The following ROBO1 variants were observed in gnomAD, a reference collection of about 807,000 sequenced individuals.
The protein encoded by ROBO1 is roundabout homolog 1.
A neutral mutation model predicts 195.9 loss-of-function variants in ROBO1; 149 were observed. The ratio of observed to expected loss-of-function variants is 0.76; its 90% CI spans 0.67 to 0.87. ROBO1 has a LOEUF of 0.87. Ranked by LOEUF, ROBO1 falls within the 40% of genes least tolerant of loss-of-function variation. ROBO1 has a pLI of 0.00. For missense variants in ROBO1, 1,933 were observed against 2,068.3 expected (o/e 0.93, Z 1.27); for synonymous variants, 816 against 733.2 (o/e 1.11, Z -1.82).
At chr3:79,427,668 G>A (rs927152044) in intron 2 of ROBO1, among the ~76,000 whole-genome samples, 1 of 152,146 alleles carries the variant, frequency 6.6e-6, no homozygotes, top group East Asian at 1.9e-4. Flanking sequence ...TTTGACAAAG[G>A]TGCCAAGAAC....
At chr3:79,636,180 T>G (rs573041129) in intron 1 of ROBO1, among the ~76,000 whole-genome samples, 2 of 152,288 alleles carry the variant, frequency 1.3e-5, no homozygotes, top group Non-Finnish European at 2.9e-5. Context: ...TTCCAGATAT[T>G]GTACTCTGGC....
At chr3:79,550,636 C>A (rs1315511850) in intron 2 of ROBO1, among the ~76,000 whole-genome samples, 1 of 152,136 alleles carries the variant, frequency 6.6e-6, no homozygotes, top group Non-Finnish European at 1.5e-5. Flanking sequence ...TAGTTTATTG[C>A]ACAATGGTGA....
At chr3:78,997,525 G>T (rs2108104841) in intron 3 of ROBO1, among the ~76,000 whole-genome samples, 1 of 152,236 alleles carries the variant, frequency 6.6e-6, no homozygotes, top group African/African-American at 2.4e-5. Flanking sequence ...CACTCAGATT[G>T]AAGCAGGAGA....
intron 2 of ROBO1, among the ~76,000 whole-genome samples, chr3:79,492,243 G>A (rs1939499690): frequency 6.6e-6 from 1 of 151,950 alleles, no homozygotes; most frequent in East Asian, 1.9e-4. Flanking sequence ...TGATCAACGT[G>A]GTGAAACCCC....
At chr3:79,427,852 T>G (rs1254676753) in intron 2 of ROBO1, among the ~76,000 whole-genome samples, 1 of 152,034 alleles carries the variant, frequency 6.6e-6, no homozygotes, top group African/African-American at 2.4e-5. Context: ...AAGAAAACAA[T>G]GGGGAAACTC....
chr3:78,892,324 T>C (rs1203840790), intron 4 of ROBO1, among the ~76,000 whole-genome samples: 3 of 152,180 alleles, frequency 2.0e-5, no homozygotes, highest in African/African-American at 7.2e-5. Context: ...TGTGGAAAAG[T>C]TGTCTTTCAT....
chr3:79,097,683 A>G (rs1303317124), intron 3 of ROBO1, among the ~76,000 whole-genome samples: 1 of 151,784 alleles, frequency 6.6e-6, no homozygotes, highest in Non-Finnish European at 1.5e-5. Flanking sequence ...TAAAAAATGT[A>G]TTGCCTGAAA....
At chr3:78,693,048 C>T in intron 8 of ROBO1, 1 of 320,914 alleles carries the variant, frequency 3.1e-6, no homozygotes, top group Non-Finnish European at 5.7e-6. Flanking sequence ...TCGAACAGTA[C>T]TTAACCAAGA....
intron 4 of ROBO1, among the ~76,000 whole-genome samples, chr3:78,828,021 AAC>A (rs1306695413): frequency 1.3e-5 from 2 of 152,220 alleles, no homozygotes; most frequent in East Asian, 1.9e-4. Context: ...AAAAAATAAA[AAC>A]AGATACTATT....
intron 2 of ROBO1, among the ~76,000 whole-genome samples, chr3:79,141,074 C>T (rs1053612294): frequency 6.6e-6 from 1 of 151,878 alleles, no homozygotes; most frequent in Admixed American, 6.6e-5. Context: ...ATTTTTTTTC[C>T]TTGCCCAGTG....
At chr3:78,919,226 T>C (rs1321506957) in intron 4 of ROBO1, among the ~76,000 whole-genome samples, 1 of 152,180 alleles carries the variant, frequency 6.6e-6, no homozygotes, top group African/African-American at 2.4e-5. Flanking sequence ...CTGGATCCTC[T>C]GAACAGGGGA....
chr3:79,498,630 G>C (rs1939879680), intron 2 of ROBO1, among the ~76,000 whole-genome samples: 1 of 152,136 alleles, frequency 6.6e-6, no homozygotes, highest in Admixed American at 6.5e-5. Flanking sequence ...GAGGCAGGTG[G>C]ATTACCTGAG....
chr3:79,168,263 AG>A, intron 2 of ROBO1, among the ~76,000 whole-genome samples: 1 of 152,336 alleles, frequency 6.6e-6, no homozygotes, highest in Middle Eastern at 3.4e-3. Flanking sequence ...CCCTGCTAAA[AG>A]AAATACTTTG....
intron 3 of ROBO1, among the ~76,000 whole-genome samples, chr3:79,101,775 G>T (rs539054301): frequency 1.3e-5 from 2 of 151,968 alleles, no homozygotes; most frequent in South Asian, 2.1e-4. Flanking sequence ...AATATTTAAA[G>T]ATTTTACCAG....
At chr3:79,301,272 TTAAGAGC>T (rs1174293261) in intron 2 of ROBO1, among the ~76,000 whole-genome samples, 1 of 152,198 alleles carries the variant, frequency 6.6e-6, no homozygotes, top group African/African-American at 2.4e-5. Flanking sequence ...GAGCGCCACC[TTAAGAGC>T]TGACCGCGAG....
intron 3 of ROBO1, among the ~76,000 whole-genome samples, chr3:78,971,344 G>C (rs1003424144): frequency 1.3e-5 from 2 of 152,136 alleles, no homozygotes; most frequent in Admixed American, 1.3e-4. Context: ...AGCCAAGACT[G>C]TGCCACTGCA....
intron 10 of ROBO1, among the ~76,000 whole-genome samples, chr3:78,681,616 G>T (rs2080911362): frequency 6.6e-6 from 1 of 152,124 alleles, no homozygotes; most frequent in Non-Finnish European, 1.5e-5. Context: ...ACTTAAGACG[G>T]AGAAGCAGCC....
intron 3 of ROBO1, among the ~76,000 whole-genome samples, chr3:79,018,226 G>A (rs2078002914): frequency 6.6e-6 from 1 of 152,100 alleles, no homozygotes; most frequent in South Asian, 2.1e-4. Flanking sequence ...GGGGAGTGGG[G>A]AAAAAGAGAC....
chr3:78,753,837 G>T (rs2082860084), intron 4 of ROBO1, among the ~76,000 whole-genome samples: 1 of 152,096 alleles, frequency 6.6e-6, no homozygotes, highest in South Asian at 2.1e-4. Context: ...TAAGTCAAAT[G>T]GCTAAAATCA....
Sources: gnomAD v4.1 joint callset for allele counts (sites outside exome capture counted in the v4.1 genomes callset) on GRCh38, gnomAD v4.1.1 for gene constraint, MANE v1.5 for transcripts, NCBI Gene and HGNC (gene_info 2026-07-23, HGNC 2026-07-21) for gene names.